AGBL4: variants seen among roughly 807,000 people sequenced by gnomAD.
AGBL4 encodes the protein cytosolic carboxypeptidase 6.
AGBL4 carries 58 observed loss-of-function variants against 66.4 expected under a neutral mutation model. The observed-to-expected ratio is 0.87, with a 90% CI of 0.71 to 1.09. AGBL4 has a LOEUF of 1.09. Ranked by LOEUF, AGBL4 falls within the 50% of genes least tolerant of loss-of-function variation. The pLI, the probability that AGBL4 is intolerant of heterozygous loss-of-function variation, is 0.00. For synonymous variants in AGBL4, 234 were observed against 222.9 expected, an observed-to-expected ratio of 1.05 and a Z score of -0.44; for missense variants, 579 against 631.0, an observed-to-expected ratio of 0.92 and a Z score of 0.88.
intron 1 of AGBL4, among the ~76,000 whole-genome samples, chr1:49,881,635 CA>C (rs1428721865): frequency 6.6e-6 from 1 of 150,668 alleles, no homozygotes; most frequent in East Asian, 1.9e-4. Context: ...CTCTGATGGC[CA>C]GTGATGATGA....
At chr1:48,619,874 C>T (rs1412870945) in intron 9 of AGBL4, among the ~76,000 whole-genome samples, 1 of 152,172 alleles carries the variant, frequency 6.6e-6, no homozygotes, top group East Asian at 1.9e-4. Flanking sequence ...AGAAGCCCCG[C>T]CCCAAGCCTC....
chr1:49,520,121 A>C (rs1456576535), intron 3 of AGBL4, among the ~76,000 whole-genome samples: 1 of 151,994 alleles, frequency 6.6e-6, no homozygotes, highest in African/African-American at 2.4e-5. Context: ...ATAATCTACT[A>C]GTGTCTCACT....
At chr1:48,688,827 T>A (rs1646576062) in intron 6 of AGBL4, among the ~76,000 whole-genome samples, 1 of 151,332 alleles carries the variant, frequency 6.6e-6, no homozygotes, top group Non-Finnish European at 1.5e-5. Context: ...TTAGAAATTC[T>A]AAAAAGGAGA....
chr1:49,655,892 T>C (rs1646118342), intron 3 of AGBL4, among the ~76,000 whole-genome samples: 1 of 152,220 alleles, frequency 6.6e-6, no homozygotes, highest in Non-Finnish European at 1.5e-5. Context: ...CTAGTGCCTA[T>C]AATCCCAGCA....
intron 3 of AGBL4, among the ~76,000 whole-genome samples, chr1:49,411,200 G>C (rs1645307658): frequency 6.6e-6 from 1 of 152,204 alleles, no homozygotes; most frequent in Non-Finnish European, 1.5e-5. Flanking sequence ...GTAAATCCAA[G>C]AGTCCAAAGG....
chr1:48,869,073 A>G (rs1027410355), intron 5 of AGBL4, among the ~76,000 whole-genome samples: 1 of 152,124 alleles, frequency 6.6e-6, no homozygotes, highest in Non-Finnish European at 1.5e-5. Flanking sequence ...TCTCTGTAAG[A>G]TTTCTCTACC....
intron 8 of AGBL4, among the ~76,000 whole-genome samples, chr1:48,650,444 A>ACATTCCTTCCTT (rs376697224): frequency 4.1e-5 from 6 of 147,024 alleles, no homozygotes; most frequent in African/African-American, 1.5e-4. Flanking sequence ...CTGAGAACCA[A>ACATTCCTTCCTT]CCTTCCTTCC....
intron 8 of AGBL4, among the ~76,000 whole-genome samples, chr1:48,636,764 C>T (rs564204699): frequency 4.6e-5 from 7 of 152,324 alleles, no homozygotes; most frequent in East Asian, 1.9e-4. Flanking sequence ...CAGGGTAATT[C>T]GGCCAGCATA....
chr1:49,695,645 C>G (rs1333341286), intron 3 of AGBL4, among the ~76,000 whole-genome samples: 1 of 152,058 alleles, frequency 6.6e-6, no homozygotes, highest in African/African-American at 2.4e-5. Flanking sequence ...AAGCTAGGAA[C>G]TAAAGTTTGT....
At chr1:49,340,617 G>A (rs756012016) in intron 3 of AGBL4, among the ~76,000 whole-genome samples, 1 of 152,144 alleles carries the variant, frequency 6.6e-6, no homozygotes, top group Non-Finnish European at 1.5e-5. Context: ...CATCAAAAAT[G>A]TAAGGGCACT....
intron 6 of AGBL4, chr1:48,776,748 C>G: frequency 6.5e-7 from 1 of 1,527,510 alleles, no homozygotes; most frequent in Non-Finnish European, 8.8e-7. Flanking sequence ...AATCCAGCCG[C>G]GAGCGGGGGC....
chr1:48,799,970 A>G (rs527897700), intron 6 of AGBL4, among the ~76,000 whole-genome samples: 98 of 152,060 alleles, frequency 6.4e-4, no homozygotes, highest in African/African-American at 2.3e-3. Flanking sequence ...TTTGTTTGTT[A>G]TATCCTTTCC....
At chr1:49,306,290 G>T (rs1221581347) in intron 3 of AGBL4, among the ~76,000 whole-genome samples, 1 of 152,124 alleles carries the variant, frequency 6.6e-6, no homozygotes, top group African/African-American at 2.4e-5. Context: ...TTATTGGTTT[G>T]CAAAGAAAAT....
At chr1:49,098,063 C>G (rs1052170287) in intron 4 of AGBL4, among the ~76,000 whole-genome samples, 1 of 152,174 alleles carries the variant, frequency 6.6e-6, no homozygotes, top group Non-Finnish European at 1.5e-5. Flanking sequence ...GTGGAATGAC[C>G]ATGGATCTGG....
intron 7 of AGBL4, among the ~76,000 whole-genome samples, chr1:48,660,474 G>C (rs2148452686): frequency 6.6e-6 from 1 of 152,326 alleles, no homozygotes; most frequent in East Asian, 1.9e-4. Context: ...TGGGCTGATG[G>C]GGGCTGAGGG....
At chr1:48,918,561 C>G (rs1006468369) in intron 5 of AGBL4, among the ~76,000 whole-genome samples, 8 of 152,164 alleles carry the variant, frequency 5.3e-5, no homozygotes, top group African/African-American at 1.7e-4. Flanking sequence ...AGAGCACTCA[C>G]AAGTGGGATT....
chr1:49,681,844 T>C (rs750604427), intron 3 of AGBL4, among the ~76,000 whole-genome samples: 71 of 152,326 alleles, frequency 4.7e-4, no homozygotes, highest in Admixed American at 2.5e-3. Flanking sequence ...TATTGGTCAT[T>C]GGCTTAGCAA....
chr1:49,500,146 A>T (rs934660294), intron 3 of AGBL4, among the ~76,000 whole-genome samples: 1 of 151,902 alleles, frequency 6.6e-6, no homozygotes, highest in African/African-American at 2.4e-5. Flanking sequence ...GCATTTTTTC[A>T]TATGTTTGTT....
At chr1:49,699,350 T>A (rs890601028) in intron 2 of AGBL4, among the ~76,000 whole-genome samples, 1 of 152,014 alleles carries the variant, frequency 6.6e-6, no homozygotes, top group Non-Finnish European at 1.5e-5. Flanking sequence ...AATACTTTCC[T>A]TATACACAAT....
Sources: gnomAD v4.1 joint callset for allele counts (sites outside exome capture counted in the v4.1 genomes callset) on GRCh38, gnomAD v4.1.1 for gene constraint, MANE v1.5 for transcripts, NCBI Gene and HGNC (gene_info 2026-07-23, HGNC 2026-07-21) for gene names.